The following PKD1L3 variants were observed in gnomAD, a reference collection of about 807,000 sequenced individuals.
The protein encoded by PKD1L3 is polycystin-1-like protein 3.
In PKD1L3, 239 loss-of-function variants were observed where a neutral mutation model predicts 184.1. The observed-to-expected ratio is 1.30, with a 90% CI of 1.17 to 1.45. The LOEUF is 1.45. Among genes scored for constraint, PKD1L3 ranks in the 40% most tolerant of loss-of-function variants. The pLI, the probability that PKD1L3 is intolerant of heterozygous loss-of-function variation, is 0.00. For synonymous variants in PKD1L3, 996 were observed against 778.8 expected (o/e 1.28, Z -4.64); for missense variants, 2,660 against 2,067.2 (o/e 1.29, Z -5.56).
chr16:71,983,303 C>A (rs1189912071), intron 6 of PKD1L3, among the ~76,000 whole-genome samples: 4 of 152,120 alleles, frequency 2.6e-5, no homozygotes, highest in African/African-American at 9.7e-5. Context: ...AGCACCACCA[C>A]ACCCAGTTAA....
intron 16 of PKD1L3, among the ~76,000 whole-genome samples, chr16:71,955,654 G>A (rs149563042): frequency 1.1e-3 from 174 of 152,038 alleles, no homozygotes; most frequent in African/African-American, 3.8e-3. Flanking sequence ...GGGCTTAGCT[G>A]TATCCCCACC....
Position 71,982,065 on chromosome 16 carries a change from A to G in PKD1L3, c.1137T>C (p.Thr379=). Residue 379 remains threonine, a synonymous_variant, in exon 7 of 30, where the codon ACT becomes ACC. Transcript: ENST00000620267. ...EGSWLESKRH[T]EPVEDILEMS... is the part of the protein sequence containing the mutation. ...CTGCATATCTGGCACCTACCGGCTC[A>G]GTATGACGCTTGGATTCCAGCCAAC... The G allele has an allele frequency of 2.6e-6, 4 of 1,545,414 alleles. No individual in the cohort carries two copies. Among genetic ancestry groups the G allele is most frequent in the Non-Finnish European group, 3.5e-6 (4 of 1,144,568 alleles).
chr16:71,989,050 T>G (rs2040487322), intron 4 of PKD1L3, among the ~76,000 whole-genome samples: 2 of 152,366 alleles, frequency 1.3e-5, no homozygotes, highest in Admixed American at 1.3e-4. Flanking sequence ...TGCCTTTAAC[T>G]GAAATCATCA....
chr16:71,935,346 G>A lies in PKD1L3; in HGVS notation c.4613+12C>T. On this transcript the variant is annotated intron_variant, in intron 26 of 29. Transcript: ENST00000620267. ...GGTAGGAATATGCTGTGCCCCTCAG[G>A]CTTCCTCTCACCTGTCCTGGTCATC... 6.5e-7 allele frequency: 1 copy of A among 1,549,000 alleles called. No homozygotes were observed. Among genetic ancestry groups the A allele is most frequent in the Middle Eastern group, 1.7e-4 (1 of 5,978 alleles).
intron 2 of PKD1L3, among the ~76,000 whole-genome samples, chr16:71,994,194 C>T (rs1597379744): frequency 6.6e-6 from 1 of 152,138 alleles, no homozygotes; most frequent in African/African-American, 2.4e-5. Context: ...AATTCGCTAT[C>T]GTGAAGCTCG....
In PKD1L3 at chr16:71,933,911, T is replaced by C. The variant is rs138770588; in HGVS notation, c.4824+4A>G. Reference sequence around the variant, plus strand: ...GAAGGAGAGACAGCAACGTGGGGGCTTACGGCAATGGCATAGCCTGTCAGC... The same window carrying C: ...GAAGGAGAGACAGCAACGTGGGGGCCTACGGCAATGGCATAGCCTGTCAGC... On this transcript the variant is annotated splice_donor_region_variant and intron_variant, in intron 27 of 29. Transcript: ENST00000620267. 25 of 1,550,566 alleles carry C rather than the reference T, an allele frequency of 1.6e-5. No individual in the cohort carries two copies. The African/African-American group carries it at 3.1e-4, about 20-fold the overall frequency.
rs1384639883 is a variant in PKD1L3, at chr16:71,943,985, G to A, written c.3859+45C>T. 4 of 1,505,638 alleles carry A rather than the reference G, an allele frequency of 2.7e-6. No individual in the cohort carries two copies. The African/African-American group carries it at 4.3e-5, about 16-fold the overall frequency. 93.3% of individuals were successfully genotyped at this position (1,505,638 alleles called of 1,614,324 possible). A position where few individuals can be genotyped will look rare whatever the true frequency, so the allele number is the denominator to read the frequency against. ...ATTCTCTCTCTTCCTTTCCCTTCTG[G>A]AAAAGGTGCTGTGTTATCAGTATGT... On this transcript the variant is annotated intron_variant, in intron 23 of 29. Transcript: ENST00000620267.
intron 16 of PKD1L3, among the ~76,000 whole-genome samples, chr16:71,956,445 G>A (rs1379715355): frequency 1.3e-5 from 2 of 150,508 alleles, no homozygotes; most frequent in African/African-American, 2.4e-5. Flanking sequence ...CACCCGACCC[G>A]GCCTCCCAAA....
chr16:71,945,133 C>G (rs1388933361), intron 22 of PKD1L3, among the ~76,000 whole-genome samples: 2 of 148,888 alleles, frequency 1.3e-5, no homozygotes, highest in East Asian at 3.9e-4. Context: ...ACAAACTGTT[C>G]TAGTCAGTGG....
chr16:71,929,787 T>A (rs2143041830), intron 29 of PKD1L3, 109 bp from the exon 30 acceptor site: 1 of 1,146,940 alleles, frequency 8.7e-7, no homozygotes, highest in Non-Finnish European at 1.2e-6. Context: ...GTAAAGATAC[T>A]ATTTCTTTAA....
intron 16 of PKD1L3, among the ~76,000 whole-genome samples, chr16:71,960,968 T>C (rs1428650437): frequency 6.6e-6 from 1 of 152,122 alleles, no homozygotes; most frequent in Non-Finnish European, 1.5e-5. Flanking sequence ...CCTTAAGTTT[T>C]GGTGAAGGAG....
chr16:71,952,944 A>G lies in PKD1L3; in HGVS notation c.2959T>C (p.Cys987Arg), dbSNP rs1212447085. The change falls in exon 18 of 30, where the codon TGC (cysteine) becomes CGC (arginine). Residue 987 changes from cysteine to arginine, a missense_variant. Coordinates refer to ENST00000620267, the MANE Select transcript of PKD1L3 (RefSeq NM_181536.2). ...LPLFPPIQAS[C>R]LSDASVEPLS... The stretch of plus-strand genomic sequence containing the variant: ...GGCTCAACAGAAGCATCTGAGAGGC[A>G]GGAGGCCTGGATGGGAGGAAAGAGG... 6 of 1,551,098 alleles carry G rather than the reference A, an allele frequency of 3.9e-6. No individual in the cohort carries two copies. The highest frequency in any genetic ancestry group is 3.9e-5 in the Admixed American group (2 of 50,876).
chr16:71,970,721 T>C (rs189938286), intron 12 of PKD1L3, among the ~76,000 whole-genome samples: 12 of 152,168 alleles, frequency 7.9e-5, no homozygotes, highest in African/African-American at 2.7e-4. Flanking sequence ...GGCAGGAGAA[T>C]TGCTTGAACC....
At chr16:71,982,261 C>G in intron 6 of PKD1L3, 26 bp from the exon 7 acceptor site, 1 of 1,110,108 alleles carries the variant, frequency 9.0e-7, no homozygotes, top group Non-Finnish European at 1.3e-6. Flanking sequence ...AGCAAACATA[C>G]ACCCTTGAAT....
rs768684767 is a variant in PKD1L3, at chr16:71,937,296, A to T, written c.4448T>A (p.Ile1483Lys). ...YYLLVCYYAF[I>K]QGCQLKQQKW... ...CATCTAACATTATTGACTCACCTGT[A>T]TGAAGGCATAGTAACAGACCAGTAG... Residue 1483 changes from isoleucine (I) to lysine (K), a missense_variant, in exon 25 of 30, where the codon ATA becomes AAA. Coordinates refer to ENST00000620267, the MANE Select transcript of PKD1L3 (RefSeq NM_181536.2). 2.1e-5 allele frequency: 33 copies of T among 1,550,998 alleles called. No individual in the cohort carries two copies. In the East Asian group the frequency reaches 7.6e-4, roughly 36 times the overall value.
chr16:71,935,236 CTT>C, intron 26 of PKD1L3, 120 bp downstream of exon 26: 2 of 1,114,000 alleles, frequency 1.8e-6, no homozygotes, highest in Non-Finnish European at 2.5e-6. Context: ...TCCAAGTTCT[CTT>C]TTAACTCTAA....
rs188691261 is a variant in PKD1L3 at position 71,934,721 on chromosome 16, A to T, written c.4614-596T>A. Reference sequence around the variant, plus strand: ...AGCCCCACAGACACTAGCAAGTGGCACTCTGCACAGATCCGCTGTCACTGC... The same window carrying T: ...AGCCCCACAGACACTAGCAAGTGGCTCTCTGCACAGATCCGCTGTCACTGC... On this transcript the variant is annotated intron_variant, in intron 26 of 29. Transcript: ENST00000620267. Among the ~76,000 whole-genome samples, 3 of 152,294 alleles carry T rather than the reference A, an allele frequency of 2.0e-5. No homozygotes were observed. In the East Asian group the frequency reaches 5.8e-4, roughly 29 times the overall value.
intron 9 of PKD1L3, 109 bp downstream of exon 9, chr16:71,979,677 C>G (rs996893844): frequency 1.6e-5 from 20 of 1,288,418 alleles, no homozygotes; most frequent in South Asian, 2.0e-5. Flanking sequence ...ACTCTCTCAT[C>G]TGATCTGGTC....
Position 71,970,042 on chromosome 16 carries a change from T to A in PKD1L3, c.2017A>T (p.Ser673Cys). ...GTCCTGGGCACGACAAAGAAGTCGC[T>A]GGCAAAGAAGGTCAGGTGGTTACAG... Reference protein sequence around the residue: ...CLCNHLTFFASDFFVVPRTVN... With the variant: ...CLCNHLTFFACDFFVVPRTVN... Residue 673 changes from serine to cysteine, a missense_variant, in exon 13 of 30, where the codon AGC becomes TGC. By Grantham distance (112) the Ser-to-Cys change is moderately radical. Coordinates refer to ENST00000620267, the MANE Select transcript of PKD1L3 (RefSeq NM_181536.2). 1 of 1,551,680 alleles carries A rather than the reference T, an allele frequency of 6.4e-7. No individual in the cohort carries two copies. The highest frequency in any genetic ancestry group is 8.7e-7 in the Non-Finnish European group (1 of 1,147,002).
Sources: gnomAD v4.1 joint callset for allele counts (sites outside exome capture counted in the v4.1 genomes callset) on GRCh38, gnomAD v4.1.1 for gene constraint, MANE v1.5 for transcripts, NCBI Gene and HGNC (gene_info 2026-07-23, HGNC 2026-07-21) for gene names.